Variants in ABI3 observed in about 807,000 individuals in gnomAD.
The protein encoded by ABI3 is ABI family member 3.
ABI3 carries 24 observed loss-of-function variants against 37.0 expected under a neutral mutation model. The ratio of observed to expected loss-of-function variants is 0.65; its 90% CI spans 0.47 to 0.91. The LOEUF (loss-of-function observed/expected upper bound fraction) is 0.91, where lower values mean the gene tolerates loss of function less well. ABI3 is among the 40% of genes least tolerant of loss of function. The pLI, the probability that ABI3 is intolerant of heterozygous loss-of-function variation, is 0.00. For synonymous variants in ABI3, 220 were observed against 211.8 expected (o/e 1.04, Z -0.34); for missense variants, 481 against 485.1 (o/e 0.99, Z 0.08).
Position 49,219,476 on chromosome 17 carries a change from G to T in ABI3, c.463-64G>T. On this transcript the variant is annotated intron_variant, in intron 3 of 7. Coordinates refer to ENST00000225941, the MANE Select transcript of ABI3 (RefSeq NM_016428.3). The surrounding 1 kb of genome is among the most constrained non-coding windows in gnomAD (Gnocchi z 4.3). ...GTCCGCCCCTCCTCCATTTCCTCTT[G>T]GGGATGAGGGTGGAGGGAGGCCCCT... 7.2e-7 allele frequency: 1 copy of T among 1,379,694 alleles called. No homozygotes were observed. Among genetic ancestry groups the T allele is most frequent in the Non-Finnish European group, 1.0e-6 (1 of 1,002,462 alleles). 85.5% of individuals were successfully genotyped at this position (1,379,694 alleles called of 1,614,324 possible).
Position 49,210,719 on chromosome 17 carries a change from G to T in ABI3, c.-6G>T, listed in dbSNP as rs1196529354. 1.3e-6 allele frequency: 2 copies of T among 1,556,308 alleles called. No homozygotes were observed. The highest frequency in any genetic ancestry group is 1.7e-6 in the Non-Finnish European group (2 of 1,149,620). The stretch of plus-strand genomic sequence containing the variant: ...TCCCTGGGGAGCCAGACAGAGGCTG[G>T]GGGTGATGGCGGAGCTACAGCAGCT... On this transcript the variant is annotated 5_prime_UTR_variant, in exon 1 of 8. Coordinates refer to ENST00000225941, the MANE Select transcript of ABI3 (RefSeq NM_016428.3). This position sits in a 1 kb window ranked among gnomAD's most constrained non-coding sequence, Gnocchi z 4.2.
chr17:49,213,520 G>C (rs1190519208), intron 1 of ABI3, among the ~76,000 whole-genome samples: 3 of 152,136 alleles, frequency 2.0e-5, no homozygotes, highest in Admixed American at 6.5e-5. Flanking sequence ...GGAAACCCAT[G>C]GGGAATTAGG....
rs752712377 is a variant in ABI3 at position 49,216,620 on chromosome 17, C to T, written c.207C>T (p.Ala69=). 1.4e-5 allele frequency: 22 copies of T among 1,611,660 alleles called. No individual in the cohort carries two copies. The highest frequency in any genetic ancestry group is 8.8e-5 in the South Asian group (8 of 90,562). Residue 69 remains alanine, a synonymous_variant, in exon 2 of 8, where the codon GCC becomes GCT. Transcript: ENST00000225941. ...ASVAYQVGNL[A]GHTLRMLDLQ... is the part of the protein sequence containing the mutation. ...TGGCCTACCAGGTGGGCAACCTGGC[C>T]GGGCACACTCTGCGCATGTTGGACC...
intron 2 of ABI3, among the ~76,000 whole-genome samples, chr17:49,217,323 A>G (rs2043229422): frequency 6.6e-6 from 1 of 152,100 alleles, no homozygotes; most frequent in Non-Finnish European, 1.5e-5. Context: ...TCCATGGAAC[A>G]TTCTGAGAGG....
At chr17:49,221,150 G>T (rs1049197607) in intron 6 of ABI3, among the ~76,000 whole-genome samples, 4 of 151,516 alleles carry the variant, frequency 2.6e-5, no homozygotes, top group African/African-American at 7.3e-5. Context: ...TCCAGCCTGG[G>T]TGACAGAGGG....
At chr17:49,220,115 G>C in intron 5 of ABI3, 54 bp from the exon 6 acceptor site, 1 of 1,608,952 alleles carries the variant, frequency 6.2e-7, no homozygotes. Context: ...GGGGCCAGTT[G>C]GGGATGCTGC....
intron 5 of ABI3, 94 bp from the exon 6 acceptor site, chr17:49,220,075 G>A (rs926012517): frequency 1.3e-5 from 21 of 1,581,728 alleles, no homozygotes; most frequent in Non-Finnish European, 1.6e-5. Context: ...TGGGTCACAC[G>A]TGCAGGGCTG....
In ABI3 at chr17:49,219,085, G is replaced by T. The variant is rs546099516; in HGVS notation, c.463-455G>T. ...TTGCGCATCCCCTCTAAGTGGCCTG[G>T]GTCTTGCTCCTCTCTGCCCTAACTC... On this transcript the variant is annotated intron_variant, in intron 3 of 7. Coordinates refer to ENST00000225941, the MANE Select transcript of ABI3 (RefSeq NM_016428.3). This position sits in a 1 kb window ranked among gnomAD's most constrained non-coding sequence, Gnocchi z 4.3. Among the ~76,000 whole-genome samples the T allele has an allele frequency of 3.2e-4, 49 of 152,164 alleles. No individual in the cohort carries two copies. The highest frequency in any genetic ancestry group is 1.1e-3 in the African/African-American group (46 of 41,496).
At chr17:49,212,386 C>T (rs1202100689) in intron 1 of ABI3, among the ~76,000 whole-genome samples, 1 of 152,216 alleles carries the variant, frequency 6.6e-6, no homozygotes, top group South Asian at 2.1e-4. Context: ...GCAGACTAAC[C>T]TTGTTACCCC....
intron 6 of ABI3, among the ~76,000 whole-genome samples, chr17:49,221,121 C>T (rs567176212): frequency 2.0e-5 from 3 of 151,170 alleles, no homozygotes; most frequent in South Asian, 2.1e-4. Context: ...TGCAGTGAGC[C>T]GAGATCACCA....
At position 49,217,876 on chromosome 17, in the gene ABI3, C is replaced by T. The variant is rs1216159402; in HGVS notation, c.423C>T (p.Leu141=). ...PPLTPYCRRP[L]NFGCLDDIGH... ...TCACGCCCTACTGCAGGAGACCCCT[C>T]AACTTTGGCTGCCTGGACGACATTG... The change falls in exon 3 of 8, where the codon CTC becomes CTT. Residue 141 remains leucine (L), a synonymous_variant. Transcript: ENST00000225941. 2 of 1,583,606 alleles carry T rather than the reference C, an allele frequency of 1.3e-6. No homozygotes were observed. Among genetic ancestry groups the T allele is most frequent in the African/African-American group, 1.4e-5 (1 of 72,958 alleles).
chr17:49,220,126 A>C, intron 5 of ABI3, 43 bp from the exon 6 acceptor site: 2 of 1,610,512 alleles, frequency 1.2e-6, no homozygotes, highest in Non-Finnish European at 8.5e-7. Context: ...GGGATGCTGC[A>C]TTAGGGAAGG....
Position 49,216,663 on chromosome 17 carries a change from C to CGG in ABI3, c.251_252dup (p.Gln85GlyfsTer7). The CGG allele has an allele frequency of 6.2e-7, 1 of 1,602,722 alleles. No individual in the cohort carries two copies. Among genetic ancestry groups the CGG allele is most frequent in the East Asian group, 2.3e-5 (1 of 44,002 alleles). ...GTTGGACCTGCAGGGGGCCGCCCTGCGGCAGGTGGAAGCCCGTGTAAGCAC... is the reference window on the plus strand; with the variant it reads ...GTTGGACCTGCAGGGGGCCGCCCTGCGGGGCAGGTGGAAGCCCGTGTAAGCAC... On this transcript the variant is annotated frameshift_variant, in exon 2 of 8. Coordinates refer to ENST00000225941, the MANE Select transcript of ABI3 (RefSeq NM_016428.3). LOFTEE classifies it high-confidence loss of function.
chr17:49,222,093 G>A lies in ABI3; in HGVS notation c.805G>A (p.Glu269Lys), dbSNP rs200803220. 91 of 1,595,280 alleles carry A rather than the reference G, an allele frequency of 5.7e-5. No individual in the cohort carries two copies. The African/African-American group carries it at 6.7e-4, about 12-fold the overall frequency. The change falls in exon 7 of 8, where the codon GAA becomes AAA. Residue 269 changes from glutamate to lysine, a missense_variant and splice_region_variant. Glu to Lys is a moderately conservative substitution (Grantham distance 56). Transcript: ENST00000225941. ...LEELSPPPPDEELPLPLDLPP... is the reference protein window; with the variant it reads ...LEELSPPPPDKELPLPLDLPP... ...AGCCTTTCTGCTTTTCCCCCAAGAC[G>A]AAGAGCTGCCCCTGCCACTGGACCT...
intron 6 of ABI3, among the ~76,000 whole-genome samples, chr17:49,221,574 C>A (rs2043289068): frequency 6.6e-6 from 1 of 152,232 alleles, no homozygotes; most frequent in Non-Finnish European, 1.5e-5. Context: ...TGCCCAAGAG[C>A]CACCCAGCTA....
In ABI3 at chr17:49,219,692, C is replaced by T. The variant is rs1292825262; in HGVS notation, c.548+67C>T. On this transcript the variant is annotated intron_variant, in intron 4 of 7. Transcript: ENST00000225941. This position sits in a 1 kb window ranked among gnomAD's most constrained non-coding sequence, Gnocchi z 4.3. ...GCGCGACCCTGAAACTCTCCTCCCC[C>T]AGCCTCGCCACCCACCCCTGGCGCC... The T allele has an allele frequency of 6.7e-7, 1 of 1,482,102 alleles. No homozygotes were observed. The highest frequency in any genetic ancestry group is 9.2e-7 in the Non-Finnish European group (1 of 1,088,658). The allele number at this position is 1,482,102 out of a possible 1,614,324, so 91.8% of individuals were successfully genotyped here. A position where few individuals can be genotyped will look rare whatever the true frequency, so the allele number is the denominator to read the frequency against.
chr17:49,218,443 C>T lies in ABI3; in HGVS notation c.462+528C>T, dbSNP rs544020278. On this transcript the variant is annotated intron_variant, in intron 3 of 7. Transcript: ENST00000225941. ...CGAGGTCAGAAAGGGCACGCACTCA[C>T]ACCCGTCCCACCTTCAATTCCTGTC... is the stretch of plus-strand genomic sequence containing the variant. 9.8e-5 allele frequency among the ~76,000 whole-genome samples: 15 copies of T among 152,286 alleles called. No individual in the cohort carries two copies. In the South Asian group the frequency reaches 1.7e-3, roughly 17 times the overall value.
Position 49,220,011 on chromosome 17 carries a change from G to A in ABI3, c.644+58G>A, listed in dbSNP as rs960287408. 2.6e-6 allele frequency: 4 copies of A among 1,526,780 alleles called. No individual in the cohort carries two copies. In the South Asian group the frequency reaches 3.6e-5, roughly 14 times the overall value. The allele number at this position is 1,526,780 out of a possible 1,614,324, so 94.6% of individuals were successfully genotyped here. ...GGGTGGGAAGTGGCTTTTGAGAGGGGCCACCTGCCAGTGGTCATAGTGACT... is the reference window on the plus strand; with the variant it reads ...GGGTGGGAAGTGGCTTTTGAGAGGGACCACCTGCCAGTGGTCATAGTGACT... On this transcript the variant is annotated intron_variant, in intron 5 of 7. Transcript: ENST00000225941.
chr17:49,215,704 G>T (rs2043211980), intron 1 of ABI3, among the ~76,000 whole-genome samples: 1 of 151,900 alleles, frequency 6.6e-6, no homozygotes, highest in Non-Finnish European at 1.5e-5. Context: ...TGCCATTGTA[G>T]CCAGGCTGGT....
Sources: allele counts gnomAD v4.1 joint callset (sites outside exome capture counted in the v4.1 genomes callset), GRCh38; gene constraint gnomAD v4.1.1; non-coding constraint Gnocchi (gnomAD v3.1); transcripts MANE v1.5; gene names NCBI Gene and HGNC (gene_info 2026-07-23, HGNC 2026-07-21).